Variants in DPP10 observed in about 807,000 individuals in gnomAD.
The protein encoded by DPP10 is inactive dipeptidyl peptidase 10.
A neutral mutation model predicts 120.9 loss-of-function variants in DPP10; 33 were observed. The observed-to-expected ratio is 0.27, with a 90% CI of 0.21 to 0.37. DPP10 has a LOEUF of 0.37. Ranked by LOEUF, DPP10 falls within the 10% of genes least tolerant of loss-of-function variation. The pLI, the probability that DPP10 is intolerant of heterozygous loss-of-function variation, is 1.00. For synonymous variants in DPP10, 337 were observed against 326.1 expected, an observed-to-expected ratio of 1.03 and a Z score of -0.36; for missense variants, 816 against 942.8, an observed-to-expected ratio of 0.87 and a Z score of 1.76.
intron 1 of DPP10, among the ~76,000 whole-genome samples, chr2:115,035,452 C>T (rs568115843): frequency 3.3e-5 from 5 of 152,252 alleles, no homozygotes; most frequent in South Asian, 2.1e-4. Context: ...ATAACTCCAA[C>T]GTATCTTGAA....
intron 1 of DPP10, among the ~76,000 whole-genome samples, chr2:115,084,140 G>C (rs903083298): frequency 3.9e-5 from 6 of 152,056 alleles, no homozygotes; most frequent in African/African-American, 1.4e-4. Flanking sequence ...TCACAATTTT[G>C]AGGTTTTCTG....
chr2:114,455,094 G>A (rs1166359757), intron 1 of DPP10, among the ~76,000 whole-genome samples: 5 of 151,254 alleles, frequency 3.3e-5, no homozygotes, highest in South Asian at 4.2e-4. Context: ...TCCAGAAGAC[G>A]ATATCACTAT....
At chr2:114,608,722 A>T (rs1244724988) in intron 1 of DPP10, among the ~76,000 whole-genome samples, 1 of 152,240 alleles carries the variant, frequency 6.6e-6, no homozygotes, top group East Asian at 1.9e-4. Flanking sequence ...AAAACAGTGA[A>T]ATCATGTCCT....
intron 3 of DPP10, among the ~76,000 whole-genome samples, chr2:115,404,138 G>T (rs1419401492): frequency 6.6e-6 from 1 of 152,088 alleles, no homozygotes; most frequent in East Asian, 1.9e-4. Flanking sequence ...GCTTCTACAG[G>T]CTGTACGTAA....
At chr2:115,194,585 CT>C (rs2055127379) in intron 1 of DPP10, among the ~76,000 whole-genome samples, 1 of 152,170 alleles carries the variant, frequency 6.6e-6, no homozygotes, top group Non-Finnish European at 1.5e-5. Context: ...ATGTTTCAAC[CT>C]TTCCATCTGT....
At chr2:114,734,550 A>C (rs554195485) in intron 1 of DPP10, among the ~76,000 whole-genome samples, 1 of 152,278 alleles carries the variant, frequency 6.6e-6, no homozygotes, top group South Asian at 2.1e-4. Context: ...CCTCCCTGAA[A>C]TATATAAAAC....
chr2:114,476,627 C>T (rs976834385), intron 1 of DPP10, among the ~76,000 whole-genome samples: 1 of 152,166 alleles, frequency 6.6e-6, no homozygotes, highest in East Asian at 1.9e-4. Context: ...ATCATTGAAT[C>T]ATATGCCACA....
At chr2:114,787,133 G>T (rs1682834629) in intron 1 of DPP10, among the ~76,000 whole-genome samples, 1 of 152,122 alleles carries the variant, frequency 6.6e-6, no homozygotes, top group South Asian at 2.1e-4. Context: ...GTAGGGTAGG[G>T]GATTATTTTA....
At chr2:115,318,077 TTATC>T (rs2061883261) in intron 2 of DPP10, among the ~76,000 whole-genome samples, 1 of 152,128 alleles carries the variant, frequency 6.6e-6, no homozygotes, top group African/African-American at 2.4e-5. Flanking sequence ...TGGTTTTAGT[TTATC>T]TACATGGGTC....
intron 1 of DPP10, among the ~76,000 whole-genome samples, chr2:114,471,696 G>C (rs955041819): frequency 1.5e-4 from 23 of 152,138 alleles, no homozygotes; most frequent in African/African-American, 5.6e-4. Context: ...TAGTTTTAGT[G>C]CCTTTTGTGT....
intron 1 of DPP10, among the ~76,000 whole-genome samples, chr2:115,207,393 T>G (rs1574010862): frequency 7.2e-6 from 1 of 139,512 alleles, no homozygotes; most frequent in South Asian, 2.3e-4. Flanking sequence ...GACTTGTGGG[T>G]TTTTAAAGAG....
intron 1 of DPP10, among the ~76,000 whole-genome samples, chr2:114,919,310 T>G (rs1219695164): frequency 6.6e-6 from 1 of 152,322 alleles, no homozygotes; most frequent in East Asian, 1.9e-4. Context: ...TTTGTCTCAC[T>G]GAAGGCTATA....
intron 3 of DPP10, among the ~76,000 whole-genome samples, chr2:115,410,831 A>G (rs1445362296): frequency 6.6e-6 from 1 of 152,218 alleles, no homozygotes; most frequent in African/African-American, 2.4e-5. Flanking sequence ...AATAATTAAA[A>G]TCACATAATT....
intron 1 of DPP10, among the ~76,000 whole-genome samples, chr2:114,683,970 G>A (rs1699202211): frequency 1.3e-5 from 2 of 151,940 alleles, no homozygotes; most frequent in African/African-American, 4.8e-5. Context: ...GATAGTTTTT[G>A]TATTGTATTA....
chr2:115,214,738 T>G (rs563294256), intron 1 of DPP10, among the ~76,000 whole-genome samples: 1 of 152,314 alleles, frequency 6.6e-6, no homozygotes, highest in African/African-American at 2.4e-5. Context: ...CTCTAAGGAA[T>G]GTAAAAGTTA....
At chr2:114,566,280 A>C (rs569712845) in intron 1 of DPP10, among the ~76,000 whole-genome samples, 1 of 152,222 alleles carries the variant, frequency 6.6e-6, no homozygotes, top group Non-Finnish European at 1.5e-5. Context: ...CGACTGTGCC[A>C]GGATATTTTA....
intron 1 of DPP10, among the ~76,000 whole-genome samples, chr2:114,919,314 G>A (rs1342914385): frequency 1.3e-5 from 2 of 152,268 alleles, no homozygotes; most frequent in African/African-American, 4.8e-5. Context: ...TCTCACTGAA[G>A]GCTATAATTC....
At chr2:114,999,637 G>A (rs1701311611) in intron 1 of DPP10, among the ~76,000 whole-genome samples, 1 of 151,998 alleles carries the variant, frequency 6.6e-6, no homozygotes, top group South Asian at 2.1e-4. Flanking sequence ...TACTTTGTAT[G>A]CCCTGCCATC....
At position 114,672,435 on chromosome 2, in the gene DPP10, A is replaced by C. The variant is rs79333140; in HGVS notation, c.60+229597A>C. ...AATAAATTAGGTGGCAGTACTCTGC[A>C]TGAGTGAATAGTTTGCACTGATACT... is the stretch of plus-strand genomic sequence containing the variant. On this transcript the variant is annotated intron_variant, in intron 1 of 25. Coordinates refer to ENST00000410059, the MANE Select transcript of DPP10 (RefSeq NM_020868.6). Among the ~76,000 whole-genome samples, 429 of 152,256 alleles carry C rather than the reference A, an allele frequency of 2.8e-3. 13 individuals carry two copies. The East Asian group carries it at 0.071, about 25-fold the overall frequency.
Sources: allele counts gnomAD v4.1 joint callset (sites outside exome capture counted in the v4.1 genomes callset), GRCh38; gene constraint gnomAD v4.1.1; transcripts MANE v1.5; gene names NCBI Gene and HGNC (gene_info 2026-07-23, HGNC 2026-07-21).